The following ATG10 variants were observed in gnomAD, a reference collection of about 807,000 sequenced individuals.
ATG10 encodes the protein ubiquitin-like-conjugating enzyme ATG10.
ATG10 carries 30 observed loss-of-function variants against 32.1 expected under a neutral mutation model. The ratio of observed to expected loss-of-function variants is 0.94; its 90% CI spans 0.70 to 1.27. The LOEUF is 1.27. Among genes scored for constraint, ATG10 ranks in the 50% most tolerant of loss-of-function variants. ATG10 has a pLI of 0.00. For missense variants in ATG10, 233 were observed against 262.3 expected, an observed-to-expected ratio of 0.89 and a Z score of 0.77; for synonymous variants, 87 against 91.5, an observed-to-expected ratio of 0.95 and a Z score of 0.28.
rs528895178 is a variant in ATG10 at position 82,232,038 on chromosome 5, C to T, written c.454-20524C>T. 4.5e-4 allele frequency among the ~76,000 whole-genome samples: 69 copies of T among 152,130 alleles called. 1 individual carries two copies. The highest frequency in any genetic ancestry group is 1.2e-3 in the African/African-American group (49 of 41,510). ...GTTGCTCATAAAATATCTTCCTGTG[C>T]GATAGTTGCCAGACATAAGTATCTG... On this transcript the variant is annotated intron_variant, in intron 5 of 7. Coordinates refer to ENST00000282185, the MANE Select transcript of ATG10 (RefSeq NM_031482.5).
At chr5:82,247,641 GT>G (rs1747087973) in intron 5 of ATG10, among the ~76,000 whole-genome samples, 1 of 152,120 alleles carries the variant, frequency 6.6e-6, no homozygotes, top group Admixed American at 6.5e-5. Flanking sequence ...TACACTCAGA[GT>G]CAGTTTTTAA....
chr5:81,985,973 C>T (rs940572891), intron 1 of ATG10, among the ~76,000 whole-genome samples: 6 of 152,142 alleles, frequency 3.9e-5, no homozygotes, highest in Admixed American at 1.3e-4. Context: ...CTGTGTTAGC[C>T]AGGTTGGTCT....
chr5:82,193,846 A>G (rs1363448349), intron 5 of ATG10, among the ~76,000 whole-genome samples: 3 of 152,254 alleles, frequency 2.0e-5, no homozygotes, highest in Admixed American at 2.0e-4. Context: ...GATAAAGAAT[A>G]GAAAGGCTAA....
intron 3 of ATG10, among the ~76,000 whole-genome samples, chr5:82,159,617 C>A (rs189172783): frequency 6.6e-6 from 1 of 152,092 alleles, no homozygotes; most frequent in African/African-American, 2.4e-5. Flanking sequence ...ATAATGAACA[C>A]CCAGGGACCC....
chr5:82,207,208 A>G (rs1473647195), intron 5 of ATG10, among the ~76,000 whole-genome samples: 2 of 152,200 alleles, frequency 1.3e-5, no homozygotes, highest in East Asian at 1.9e-4. Context: ...ACATGCATAT[A>G]TATGTTTAAC....
At chr5:82,153,997 C>T (rs952769326) in intron 3 of ATG10, among the ~76,000 whole-genome samples, 1 of 150,992 alleles carries the variant, frequency 6.6e-6, no homozygotes, top group Non-Finnish European at 1.5e-5. Context: ...CTCCTGGGCT[C>T]AAGCAATCCT....
At chr5:81,983,071 C>T (rs1198032434) in intron 1 of ATG10, among the ~76,000 whole-genome samples, 4 of 152,204 alleles carry the variant, frequency 2.6e-5, no homozygotes, top group Non-Finnish European at 5.9e-5. Flanking sequence ...CTGTTGGGTA[C>T]ACCTCCCAGA....
At chr5:82,106,353 T>G (rs1030233871) in intron 3 of ATG10, among the ~76,000 whole-genome samples, 1 of 152,154 alleles carries the variant, frequency 6.6e-6, no homozygotes, top group Non-Finnish European at 1.5e-5. Context: ...CACGGGATCA[T>G]AGCAGCTTGC....
At chr5:82,225,213 T>C (rs1478539578) in intron 5 of ATG10, among the ~76,000 whole-genome samples, 1 of 152,136 alleles carries the variant, frequency 6.6e-6, no homozygotes, top group Non-Finnish European at 1.5e-5. Flanking sequence ...GCAAAGTAGT[T>C]TGGGTTGATC....
intron 3 of ATG10, among the ~76,000 whole-genome samples, chr5:82,157,055 C>T (rs1377150770): frequency 3.3e-5 from 5 of 152,184 alleles, no homozygotes; most frequent in Non-Finnish European, 7.3e-5. Context: ...GCCAGATGTG[C>T]TGTGGCGGGT....
chr5:82,128,197 G>A (rs1221840867), intron 3 of ATG10, among the ~76,000 whole-genome samples: 1 of 150,704 alleles, frequency 6.6e-6, no homozygotes, highest in Non-Finnish European at 1.5e-5. Flanking sequence ...CACGTGAGAT[G>A]GGTCTCCTGA....
chr5:82,090,406 A>G (rs1764843374), intron 3 of ATG10, among the ~76,000 whole-genome samples: 2 of 152,228 alleles, frequency 1.3e-5, no homozygotes, highest in Non-Finnish European at 2.9e-5. Context: ...TGGCACATCT[A>G]TTCCATTATT....
chr5:82,237,344 A>T (rs1471283306), intron 5 of ATG10, among the ~76,000 whole-genome samples: 3 of 152,002 alleles, frequency 2.0e-5, no homozygotes, highest in Admixed American at 1.3e-4. Context: ...ATTAAATACC[A>T]TATTTTTAAG....
At chr5:82,039,747 G>A (rs965177686) in intron 2 of ATG10, among the ~76,000 whole-genome samples, 2 of 152,240 alleles carry the variant, frequency 1.3e-5, no homozygotes, top group Admixed American at 1.3e-4. Context: ...TTTCAGCTAT[G>A]TCTTGCTTTG....
At chr5:81,979,471 T>G (rs1469529674) in intron 1 of ATG10, among the ~76,000 whole-genome samples, 1 of 152,062 alleles carries the variant, frequency 6.6e-6, no homozygotes, top group East Asian at 1.9e-4. Context: ...GAGCTTGCAG[T>G]GAGCCGAGAT....
intron 2 of ATG10, among the ~76,000 whole-genome samples, chr5:81,994,390 C>T (rs1218312455): frequency 1.3e-5 from 2 of 151,860 alleles, no homozygotes; most frequent in Non-Finnish European, 2.9e-5. Flanking sequence ...TTTATCAGCA[C>T]TAGAAAACAA....
chr5:82,145,297 T>C (rs747804782), intron 3 of ATG10, among the ~76,000 whole-genome samples: 9 of 152,154 alleles, frequency 5.9e-5, no homozygotes, highest in Non-Finnish European at 1.2e-4. Flanking sequence ...ACTTTTTCTG[T>C]TACCTTGCTT....
chr5:82,017,921 G>A (rs926336160), intron 2 of ATG10, among the ~76,000 whole-genome samples: 3 of 151,692 alleles, frequency 2.0e-5, no homozygotes, highest in East Asian at 3.9e-4. Flanking sequence ...TTTCCCCACA[G>A]TCTCATAATA....
intron 3 of ATG10, among the ~76,000 whole-genome samples, chr5:82,100,309 G>T (rs1224354883): frequency 6.6e-6 from 1 of 152,004 alleles, no homozygotes; most frequent in African/African-American, 2.4e-5. Context: ...ACCTGGCCCA[G>T]TGATTTCTTT....
Sources: allele counts gnomAD v4.1 joint callset (sites outside exome capture counted in the v4.1 genomes callset), GRCh38; gene constraint gnomAD v4.1.1; transcripts MANE v1.5; gene names NCBI Gene and HGNC (gene_info 2026-07-23, HGNC 2026-07-21).